LRCH3: variants seen among roughly 807,000 people sequenced by gnomAD.
The protein encoded by LRCH3 is DISP complex protein LRCH3.
LRCH3 carries 68 observed loss-of-function variants against 104.5 expected under a neutral mutation model. The observed-to-expected ratio is 0.65, with a 90% CI of 0.54 to 0.80. LRCH3 has a LOEUF of 0.80. Ranked by LOEUF, LRCH3 falls within the 30% of genes least tolerant of loss-of-function variation. LRCH3 has a pLI of 0.00. For synonymous variants in LRCH3, 344 were observed against 361.3 expected (o/e 0.95, Z 0.54); for missense variants, 951 against 953.9 (o/e 1.00, Z 0.04).
At chr3:197,863,326 C>A (rs544837379) in intron 15 of LRCH3, among the ~76,000 whole-genome samples, 3 of 152,046 alleles carry the variant, frequency 2.0e-5, no homozygotes, top group African/African-American at 7.2e-5. Context: ...GCAGTGGCGC[C>A]ATCTCGGCTC....
rs146075836 is a variant in LRCH3 at position 197,884,490 on chromosome 3, C to T, written c.*824C>T. ...TGCTGGGATGACAGGCGTGAGCCCCCGCGCCCGGCCTCCGAGAGTGCTGGG... is the reference window on the plus strand; with the variant it reads ...TGCTGGGATGACAGGCGTGAGCCCCTGCGCCCGGCCTCCGAGAGTGCTGGG... On this transcript the variant is annotated 3_prime_UTR_variant, in exon 21 of 21. Coordinates refer to ENST00000425562, the MANE Select transcript of LRCH3 (RefSeq NM_001365715.1). 222 of 151,750 alleles carry T rather than the reference C, an allele frequency of 1.5e-3. 2 individuals are homozygous for T. In the East Asian group the frequency reaches 0.036, roughly 25 times the overall value. 9.4% of individuals were successfully genotyped at this position (151,750 alleles called of 1,614,324 possible).
chr3:197,880,872 G>A, intron 20 of LRCH3: 1 of 1,444,184 alleles, frequency 6.9e-7, no homozygotes, highest in Non-Finnish European at 9.0e-7. Flanking sequence ...ATTTGCAGAT[G>A]AGCACCCCCT....
chr3:197,814,905 T>G lies in LRCH3; in HGVS notation c.263-3T>G. ...TTTAAACCTAATTTAATTTTTCTTTTAGACCTGTCGCGAAATCGCCTTTCA... is the reference window on the plus strand; with the variant it reads ...TTTAAACCTAATTTAATTTTTCTTTGAGACCTGTCGCGAAATCGCCTTTCA... On this transcript the variant is annotated splice_polypyrimidine_tract_variant and splice_region_variant and intron_variant, in intron 1 of 20. Coordinates refer to ENST00000425562, the MANE Select transcript of LRCH3 (RefSeq NM_001365715.1). 2 of 1,587,540 alleles carry G rather than the reference T, an allele frequency of 1.3e-6. No homozygotes were observed. Among genetic ancestry groups the G allele is most frequent in the Non-Finnish European group, 1.7e-6 (2 of 1,171,638 alleles).
intron 3 of LRCH3, among the ~76,000 whole-genome samples, chr3:197,818,735 T>G (rs1001660775): frequency 2.0e-5 from 3 of 152,190 alleles, no homozygotes; most frequent in Non-Finnish European, 4.4e-5. Context: ...CCTAAATACT[T>G]AAAAGGTAGA....
intron 20 of LRCH3, chr3:197,882,868 A>G: frequency 1.0e-6 from 1 of 985,252 alleles, no homozygotes; most frequent in Non-Finnish European, 1.2e-6. Flanking sequence ...AAATACCAGG[A>G]TATTAAATCC....
At chr3:197,858,941 G>A in intron 15 of LRCH3, 36 bp downstream of exon 15, 4 of 1,526,780 alleles carry the variant, frequency 2.6e-6, no homozygotes, top group Non-Finnish European at 3.6e-6. Context: ...AGGAAGTTTG[G>A]GGAGGAGGTG....
chr3:197,833,815 G>A (rs1266714902), intron 8 of LRCH3, among the ~76,000 whole-genome samples: 3 of 152,082 alleles, frequency 2.0e-5, no homozygotes, highest in Non-Finnish European at 4.4e-5. Context: ...GGCCACACTG[G>A]TCTAGATTGG....
intron 15 of LRCH3, among the ~76,000 whole-genome samples, chr3:197,861,408 C>A (rs1052429925): frequency 2.0e-5 from 3 of 152,110 alleles, no homozygotes; most frequent in Non-Finnish European, 4.4e-5. Flanking sequence ...TCCATGAACA[C>A]CTTCGGGCAT....
intron 10 of LRCH3, among the ~76,000 whole-genome samples, chr3:197,841,693 T>G (rs1341395889): frequency 6.6e-6 from 1 of 152,212 alleles, no homozygotes; most frequent in Non-Finnish European, 1.5e-5. Context: ...CATGGCACCT[T>G]AGCAATACAT....
At chr3:197,800,182 G>A (rs1369639036) in intron 1 of LRCH3, among the ~76,000 whole-genome samples, 4 of 150,654 alleles carry the variant, frequency 2.7e-5, no homozygotes, top group Non-Finnish European at 5.9e-5. Flanking sequence ...CAGCCTAGGC[G>A]ACAGAGTGAG....
At chr3:197,814,822 T>G (rs1733621315) in intron 1 of LRCH3, 86 bp from the exon 2 acceptor site, 1 of 1,173,454 alleles carries the variant, frequency 8.5e-7, no homozygotes, top group Non-Finnish European at 1.2e-6. Context: ...AATAGTTTTA[T>G]TTTTTAGTTT....
intron 6 of LRCH3, among the ~76,000 whole-genome samples, chr3:197,830,527 G>A (rs900401609): frequency 2.0e-5 from 3 of 152,250 alleles, no homozygotes; most frequent in Middle Eastern, 3.4e-3. Flanking sequence ...CTCATTGGAC[G>A]AACAAGAATT....
intron 15 of LRCH3, among the ~76,000 whole-genome samples, chr3:197,862,063 C>G (rs1452483965): frequency 3.9e-5 from 6 of 152,176 alleles, no homozygotes; most frequent in Admixed American, 3.9e-4. Flanking sequence ...GGTGAGATCT[C>G]AGCTCACTAC....
chr3:197,820,249 C>A, intron 3 of LRCH3, 76 bp from the exon 4 acceptor site: 4 of 1,052,644 alleles, frequency 3.8e-6, no homozygotes, highest in Non-Finnish European at 5.8e-6. Context: ...CCAAACATAT[C>A]TAATTTTATA....
At chr3:197,847,524 ATACT>A in intron 11 of LRCH3, 64 bp downstream of exon 11, 1 of 1,420,950 alleles carries the variant, frequency 7.0e-7, no homozygotes, top group Non-Finnish European at 9.6e-7. Context: ...TTCTTTTATA[ATACT>A]TAAATTGCCA....
chr3:197,843,191 T>C (rs1269411373), intron 10 of LRCH3, among the ~76,000 whole-genome samples: 1 of 152,124 alleles, frequency 6.6e-6, no homozygotes, highest in Admixed American at 6.5e-5. Context: ...TGTTATAGCT[T>C]CTATAAGAAG....
chr3:197,866,075 CT>C, intron 16 of LRCH3, 36 bp from the exon 17 acceptor site: 2 of 1,418,240 alleles, frequency 1.4e-6, no homozygotes, highest in South Asian at 1.2e-5. Flanking sequence ...ATATTTTCAT[CT>C]CCTTTAATCT....
chr3:197,809,372 T>C (rs1156544686), intron 1 of LRCH3, among the ~76,000 whole-genome samples: 2 of 152,154 alleles, frequency 1.3e-5, no homozygotes, highest in East Asian at 3.8e-4. Context: ...GTGGATGTCT[T>C]TGGGTTTATC....
chr3:197,828,547 G>A (rs917879625), intron 5 of LRCH3, among the ~76,000 whole-genome samples: 7 of 151,256 alleles, frequency 4.6e-5, no homozygotes, highest in Non-Finnish European at 7.4e-5. Context: ...GGGTTTCACC[G>A]TGTTAGCCAG....
Sources: allele counts gnomAD v4.1 joint callset (sites outside exome capture counted in the v4.1 genomes callset), GRCh38; gene constraint gnomAD v4.1.1; transcripts MANE v1.5; gene names NCBI Gene and HGNC (gene_info 2026-07-23, HGNC 2026-07-21).